The following ARHGAP10 variants were observed in gnomAD, a reference collection of about 807,000 sequenced individuals.
The protein encoded by ARHGAP10 is Rho GTPase activating protein 10.
A neutral mutation model predicts 108.6 loss-of-function variants in ARHGAP10; 87 were observed. That is an observed-to-expected ratio of 0.80 (90% CI 0.67 to 0.96). The LOEUF is 0.96. Ranked by LOEUF, ARHGAP10 falls within the 40% of genes least tolerant of loss-of-function variation. The probability of loss-of-function intolerance (pLI) is 0.00; values close to 1 mark genes in which losing one functional copy is unlikely to be tolerated. For missense variants in ARHGAP10, 939 were observed against 954.5 expected (o/e 0.98, Z 0.21); for synonymous variants, 347 against 341.1 (o/e 1.02, Z -0.19).
At chr4:147,975,394 CAT>C (rs1245055908) in intron 18 of ARHGAP10, among the ~76,000 whole-genome samples, 1 of 152,226 alleles carries the variant, frequency 6.6e-6, no homozygotes, top group African/African-American at 2.4e-5. Context: ...GGGAGAAGGG[CAT>C]ATGTGTTTCC....
chr4:147,911,564 G>A (rs944489091), intron 12 of ARHGAP10, among the ~76,000 whole-genome samples: 12 of 152,184 alleles, frequency 7.9e-5, no homozygotes, highest in South Asian at 4.2e-4. Flanking sequence ...GGGTTTCACC[G>A]TGTTAGCCAG....
chr4:148,072,212 A>C lies in ARHGAP10; in HGVS notation c.*131A>C, dbSNP rs1730215431. 3.8e-5 allele frequency: 16 copies of C among 422,150 alleles called. No individual in the cohort carries two copies. The highest frequency in any genetic ancestry group is 6.1e-5 in the East Asian group (1 of 16,356). The allele number at this position is 422,150 out of a possible 1,614,324, so 26.2% of individuals were successfully genotyped here. ...CACACTTGGGAGTTACCATCATCAC[A>C]GTCAGCCCTGGGGGTGGGGGGTGGT... is the stretch of plus-strand genomic sequence containing the variant. On this transcript the variant is annotated 3_prime_UTR_variant, in exon 23 of 23. Transcript: ENST00000336498.
chr4:148,022,228 A>T (rs1006285436), intron 18 of ARHGAP10, among the ~76,000 whole-genome samples: 12 of 152,220 alleles, frequency 7.9e-5, no homozygotes, highest in African/African-American at 2.4e-4. Flanking sequence ...TTACATAGGT[A>T]TACATGTGCC....
At chr4:147,922,754 T>G (rs958321168) in intron 13 of ARHGAP10, among the ~76,000 whole-genome samples, 1 of 151,970 alleles carries the variant, frequency 6.6e-6, no homozygotes, top group Non-Finnish European at 1.5e-5. Flanking sequence ...GATTAAAGAG[T>G]GAGTCTTTGC....
At chr4:148,045,076 C>T (rs965199803) in intron 19 of ARHGAP10, among the ~76,000 whole-genome samples, 4 of 152,214 alleles carry the variant, frequency 2.6e-5, no homozygotes, top group African/African-American at 7.2e-5. Context: ...CGGGAACACA[C>T]TTATGAAATA....
At chr4:148,038,236 G>A (rs561144305) in intron 19 of ARHGAP10, among the ~76,000 whole-genome samples, 1 of 152,274 alleles carries the variant, frequency 6.6e-6, no homozygotes, top group African/African-American at 2.4e-5. Flanking sequence ...TCAGTGGCCT[G>A]AATGTCCTGG....
chr4:147,791,805 G>A (rs1333865632), intron 1 of ARHGAP10, among the ~76,000 whole-genome samples: 1 of 151,688 alleles, frequency 6.6e-6, no homozygotes, highest in Non-Finnish European at 1.5e-5. Context: ...GGCTCGTCTC[G>A]AACTCCTGAC....
chr4:148,001,709 CTGTT>C (rs1231309881), intron 18 of ARHGAP10, among the ~76,000 whole-genome samples: 8 of 151,944 alleles, frequency 5.3e-5, no homozygotes, highest in Non-Finnish European at 1.0e-4. Flanking sequence ...ATTTGGCTCT[CTGTT>C]TGTCTGTTAT....
chr4:147,738,132 G>A (rs896409068), intron 1 of ARHGAP10, among the ~76,000 whole-genome samples: 11 of 151,548 alleles, frequency 7.3e-5, no homozygotes, highest in African/African-American at 2.2e-4. Flanking sequence ...ATATAATATA[G>A]AAGATTAAGA....
chr4:147,954,006 A>G (rs1738701470), intron 15 of ARHGAP10, among the ~76,000 whole-genome samples: 1 of 151,950 alleles, frequency 6.6e-6, no homozygotes, highest in South Asian at 2.1e-4. Flanking sequence ...TGAGTTTTCC[A>G]GATATCTTTC....
At chr4:147,979,853 A>G (rs1409284761) in intron 18 of ARHGAP10, among the ~76,000 whole-genome samples, 1 of 152,162 alleles carries the variant, frequency 6.6e-6, no homozygotes, top group Admixed American at 6.5e-5. Context: ...ACTGATATAA[A>G]GAAATGTTGA....
chr4:147,840,906 C>T (rs949573493), intron 3 of ARHGAP10, among the ~76,000 whole-genome samples: 2 of 152,160 alleles, frequency 1.3e-5, no homozygotes, highest in African/African-American at 2.4e-5. Flanking sequence ...ACAAGATAAG[C>T]GTAAGAGCAT....
At chr4:147,735,191 G>GT (rs1728368843) in intron 1 of ARHGAP10, among the ~76,000 whole-genome samples, 1 of 152,180 alleles carries the variant, frequency 6.6e-6, no homozygotes. Context: ...TTATAATGGG[G>GT]TAGAGGCCCT....
intron 17 of ARHGAP10, among the ~76,000 whole-genome samples, chr4:147,965,331 C>G (rs1739165537): frequency 6.6e-6 from 1 of 152,168 alleles, no homozygotes; most frequent in South Asian, 2.1e-4. Context: ...TCTCTGCCAG[C>G]AACTCAGGGT....
At chr4:147,781,980 G>T (rs1372688751) in intron 1 of ARHGAP10, among the ~76,000 whole-genome samples, 1 of 151,890 alleles carries the variant, frequency 6.6e-6, no homozygotes, top group African/African-American at 2.4e-5. Flanking sequence ...TCTGAAATAC[G>T]GTAAAATAAG....
intron 10 of ARHGAP10, among the ~76,000 whole-genome samples, chr4:147,886,372 G>A (rs756912297): frequency 5.3e-5 from 8 of 152,076 alleles, no homozygotes; most frequent in African/African-American, 1.2e-4. Context: ...CATTCTCTCC[G>A]GTGTTCATTC....
At chr4:147,945,511 C>T (rs766350803) in intron 14 of ARHGAP10, among the ~76,000 whole-genome samples, 5 of 152,056 alleles carry the variant, frequency 3.3e-5, no homozygotes, top group African/African-American at 7.2e-5. Context: ...AAATATTTCC[C>T]GGATGACTAT....
chr4:147,971,093 CAAAA>C (rs59721708), intron 18 of ARHGAP10, among the ~76,000 whole-genome samples: 4 of 74,260 alleles, frequency 5.4e-5, no homozygotes, highest in Admixed American at 1.5e-4. Flanking sequence ...GACTCTGTCT[CAAAA>C]AAAAAAAAAA....
At chr4:147,885,046 G>A (rs927917775) in intron 10 of ARHGAP10, among the ~76,000 whole-genome samples, 3 of 152,036 alleles carry the variant, frequency 2.0e-5, no homozygotes, top group African/African-American at 7.2e-5. Flanking sequence ...GTAGATTTCT[G>A]GGGATAAACT....
Sources: allele counts gnomAD v4.1 joint callset (sites outside exome capture counted in the v4.1 genomes callset), GRCh38; gene constraint gnomAD v4.1.1; transcripts MANE v1.5; gene names NCBI Gene and HGNC (gene_info 2026-07-23, HGNC 2026-07-21).